Variants in MLC1 observed in about 807,000 individuals in gnomAD.
MLC1 encodes membrane protein MLC1.
Under a neutral mutation model 44.7 loss-of-function variants are expected in MLC1, and 32 were observed. The observed-to-expected ratio is 0.72, with a 90% confidence interval of 0.54 to 0.96. MLC1 has a LOEUF of 0.96. MLC1 is among the 40% of genes least tolerant of loss of function. The probability of loss-of-function intolerance (pLI) is 0.00; values close to 1 mark genes in which losing one functional copy is unlikely to be tolerated. For missense variants in MLC1, 459 were observed against 492.2 expected, an observed-to-expected ratio of 0.93 and a Z score of 0.64; for synonymous variants, 190 against 213.0, an observed-to-expected ratio of 0.89 and a Z score of 0.94.
At position 50,083,382 on chromosome 22, in the gene MLC1, C is replaced by G. The variant is rs1050586168; in HGVS notation, c.178-209G>C. On this transcript the variant is annotated intron_variant, in intron 2 of 11. Coordinates refer to ENST00000311597, the MANE Select transcript of MLC1 (RefSeq NM_015166.4). This position sits in a 1 kb window ranked among gnomAD's most constrained non-coding sequence, Gnocchi z 4.6. Reference sequence around the variant, plus strand: ...CGCAGCCCAGGACATGGACCAGCCTCCCCCAGCCATGTCGGAGCATGGACC... The same window carrying G: ...CGCAGCCCAGGACATGGACCAGCCTGCCCCAGCCATGTCGGAGCATGGACC... Among the ~76,000 whole-genome samples, 1 of 152,118 alleles carries G rather than the reference C, an allele frequency of 6.6e-6. No homozygotes were observed. The highest frequency in any genetic ancestry group is 2.4e-5 in the African/African-American group (1 of 41,416).
At chr22:50,071,183 A>T (rs956567420) in intron 8 of MLC1, among the ~76,000 whole-genome samples, 1 of 150,042 alleles carries the variant, frequency 6.7e-6, no homozygotes, top group African/African-American at 2.5e-5. Flanking sequence ...ATCTTGACTC[A>T]CTGCAACCTC....
In MLC1 at chr22:50,077,321, G is replaced by A. The variant is rs919236176; in HGVS notation, c.525+80C>T. The A allele has an allele frequency of 1.8e-5, 23 of 1,282,398 alleles. No homozygotes were observed. In the South Asian group the frequency reaches 2.7e-4, roughly 15 times the overall value. 79.4% of individuals were successfully genotyped at this position (1,282,398 alleles called of 1,614,324 possible). A position where few individuals can be genotyped will look rare whatever the true frequency, so the allele number is the denominator to read the frequency against. On this transcript the variant is annotated intron_variant, in intron 6 of 11. Coordinates refer to ENST00000311597, the MANE Select transcript of MLC1 (RefSeq NM_015166.4). ...AGCAGCCCAGATCGGCCCTCCGAGG[G>A]TGACGCTGAGACCCACCTCGCTCAC...
chr22:50,081,881 C>T (rs1213642030), intron 3 of MLC1, among the ~76,000 whole-genome samples: 1 of 152,366 alleles, frequency 6.6e-6, no homozygotes. Flanking sequence ...CACAGCTCCA[C>T]TGGGACAAGG....
At position 50,083,470 on chromosome 22, in the gene MLC1, GCACCTCT is replaced by G. The variant is rs2062200117; in HGVS notation, c.178-304_178-298del. On this transcript the variant is annotated intron_variant, in intron 2 of 11. Transcript: ENST00000311597. This position sits in a 1 kb window ranked among gnomAD's most constrained non-coding sequence, Gnocchi z 4.6. ...CTGCCAATATTTAGAGCAAGGAATG[GCACCTCT>G]CCCCACAAAATACTCCTGCCCCAAC... Among the ~76,000 whole-genome samples, 1 of 152,136 alleles carries G rather than the reference GCACCTCT, an allele frequency of 6.6e-6. No homozygotes were observed. Among genetic ancestry groups the G allele is most frequent in the South Asian group, 2.1e-4 (1 of 4,820 alleles).
At chr22:50,069,363 A>T (rs965681117) in intron 9 of MLC1, among the ~76,000 whole-genome samples, 28 of 152,044 alleles carry the variant, frequency 1.8e-4, no homozygotes, top group Admixed American at 1.4e-3. Context: ...AATACTTACC[A>T]TCTAGGCAAG....
Position 50,068,565 on chromosome 22 carries a change from A to C in MLC1, c.772-10T>G. The C allele has an allele frequency of 6.2e-7, 1 of 1,607,538 alleles. No homozygotes were observed. Among genetic ancestry groups the C allele is most frequent in the African/African-American group, 1.3e-5 (1 of 74,772 alleles). The stretch of plus-strand genomic sequence containing the variant: ...CAATCAGGACCTCCACCTGGAAAAA[A>C]AGCGCGGGTTGCAGGACCACGGCCG... On this transcript the variant is annotated splice_polypyrimidine_tract_variant and intron_variant, in intron 9 of 11. Coordinates refer to ENST00000311597, the MANE Select transcript of MLC1 (RefSeq NM_015166.4).
rs779686635 is a variant in MLC1, at chr22:50,079,969, C to G, written c.372G>C (p.Thr124=). Residue 124 remains threonine (T), a synonymous_variant, in exon 5 of 12, where the codon ACG becomes ACC. Coordinates refer to ENST00000311597, the MANE Select transcript of MLC1 (RefSeq NM_015166.4). ...GTTTGCATCCAAACCAAATTAAACACGTAGTGGTCACAGCAAACGTGGAAA... is the reference window on the plus strand; with the variant it reads ...GTTTGCATCCAAACCAAATTAAACAGGTAGTGGTCACAGCAAACGTGGAAA... ...LFVSTFAVTT[T]CLIWFGCKLV... is the part of the protein sequence containing the mutation. 2.5e-6 allele frequency: 4 copies of G among 1,614,138 alleles called. No individual in the cohort carries two copies. In the South Asian group the frequency reaches 3.3e-5, roughly 13 times the overall value.
rs538016314 is a variant in MLC1 at position 50,061,939 on chromosome 22, G to A, written c.1060-282C>T. 9.2e-5 allele frequency among the ~76,000 whole-genome samples: 14 copies of A among 152,324 alleles called. No homozygotes were observed. The South Asian group carries it at 2.1e-3, about 23-fold the overall frequency. Reference sequence around the variant, plus strand: ...CGGCCCCTTGCCCTGGCTCTGGGGCGGGGAGCGGGGGGAGGCCGCCCAAGG... The same window carrying A: ...CGGCCCCTTGCCCTGGCTCTGGGGCAGGGAGCGGGGGGAGGCCGCCCAAGG... On this transcript the variant is annotated intron_variant, in intron 11 of 11. Coordinates refer to ENST00000311597, the MANE Select transcript of MLC1 (RefSeq NM_015166.4).
chr22:50,079,893 C>CTGCG, intron 5 of MLC1, 25 bp downstream of exon 5: 1 of 1,539,630 alleles, frequency 6.5e-7, no homozygotes. Context: ...TGTCAGGCGT[C>CTGCG]TGCGCGAAGC....
At chr22:50,079,584 A>G (rs1346372916) in intron 5 of MLC1, among the ~76,000 whole-genome samples, 2 of 138,900 alleles carry the variant, frequency 1.4e-5, no homozygotes, top group African/African-American at 5.5e-5. Flanking sequence ...CGGCTCCCAC[A>G]ACCTCTGCCC....
intron 8 of MLC1, among the ~76,000 whole-genome samples, chr22:50,073,775 G>A (rs1433208656): frequency 6.6e-6 from 1 of 152,094 alleles, no homozygotes; most frequent in Non-Finnish European, 1.5e-5. Flanking sequence ...CAATGCCCAT[G>A]TATTGAGCAT....
rs2061652646 is a variant in MLC1, at chr22:50,064,139, G to A, written c.954C>T (p.Leu318=). 2 of 1,608,876 alleles carry A rather than the reference G, an allele frequency of 1.2e-6. No homozygotes were observed. Among genetic ancestry groups the A allele is most frequent in the Non-Finnish European group, 1.7e-6 (2 of 1,179,864 alleles). The change falls in exon 11 of 12, where the codon CTC becomes CTT. Residue 318 remains leucine (L), a synonymous_variant. Transcript: ENST00000311597. ...CGCACTGGATGGCGGTGCCCGTGTT[G>A]AGGCCGGCCTGCAGCAGGAGCACTA... ...LLLVLLLQAG[L]NTGTAIQCVR...
At chr22:50,064,534 C>T (rs542031245) in intron 10 of MLC1, among the ~76,000 whole-genome samples, 1 of 152,284 alleles carries the variant, frequency 6.6e-6, no homozygotes, top group East Asian at 1.9e-4. Context: ...AGTCCCAGAG[C>T]CAGAGAGAAT....
rs779949925 is a variant in MLC1 at position 50,059,490 on chromosome 22, C to T, written c.*2093G>A. The T allele has an allele frequency of 8.5e-5, 13 of 152,322 alleles. No homozygotes were observed. The highest frequency in any genetic ancestry group is 1.8e-4 in the Non-Finnish European group (12 of 68,030). 9.4% of individuals were successfully genotyped at this position (152,322 alleles called of 1,614,324 possible). On this transcript the variant is annotated 3_prime_UTR_variant, in exon 12 of 12. Transcript: ENST00000311597. ...ACCCCATTTTTCCGGATTTTTTAAG[C>T]GCTCTAAAATAAGAAAATAAGAAAG...
Position 50,064,927 on chromosome 22 carries a change from A to G in MLC1, c.895-729T>C, listed in dbSNP as rs573126431. On this transcript the variant is annotated intron_variant, in intron 10 of 11. Coordinates refer to ENST00000311597, the MANE Select transcript of MLC1 (RefSeq NM_015166.4). ...CAGAACGAACAGCTCTTCTCAAGTT[A>G]ACATAAAACTTTTTTTTGCGACAGT... 2.6e-5 allele frequency among the ~76,000 whole-genome samples: 4 copies of G among 151,394 alleles called. No homozygotes were observed. In the East Asian group the frequency reaches 5.8e-4, roughly 22 times the overall value.
At chr22:50,068,676 T>G in intron 9 of MLC1, 121 bp from the exon 10 acceptor site, 1 of 1,140,462 alleles carries the variant, frequency 8.8e-7, no homozygotes, top group Non-Finnish European at 1.3e-6. Context: ...CCCAAGCTGG[T>G]TCCCTGCATG....
Position 50,077,572 on chromosome 22 carries a change from G to A in MLC1, c.424-70C>T, listed in dbSNP as rs749227094. 6.9e-6 allele frequency: 9 copies of A among 1,297,852 alleles called. No homozygotes were observed. The East Asian group carries it at 7.0e-5, about 10-fold the overall frequency. The allele number at this position is 1,297,852 out of a possible 1,614,324, so 80.4% of individuals were successfully genotyped here. On this transcript the variant is annotated intron_variant, in intron 5 of 11. Transcript: ENST00000311597. ...ACGCCACCGCGCTTCAGCGTCCACC[G>A]GACCACCTCACGGGCAGGCTGCGCA...
intron 3 of MLC1, among the ~76,000 whole-genome samples, chr22:50,082,017 G>A (rs1187632742): frequency 6.6e-6 from 1 of 152,258 alleles, no homozygotes; most frequent in African/African-American, 2.4e-5. Context: ...CACGGGGCGG[G>A]GCATCCACTT....
rs2061559122 is a variant in MLC1 at position 50,061,582 on chromosome 22, G to T, written c.*1C>A. 6.2e-7 allele frequency: 1 copy of T among 1,613,690 alleles called. No individual in the cohort carries two copies. Among genetic ancestry groups the T allele is most frequent in the Admixed American group, 1.7e-5 (1 of 60,018 alleles). ...TGCCACCCGGTTTCCGCGTCTGGGG[G>T]TCACTGGGCCATTTGCACCACGACG... On this transcript the variant is annotated 3_prime_UTR_variant, in exon 12 of 12. Transcript: ENST00000311597.
Sources: allele counts gnomAD v4.1 joint callset (sites outside exome capture counted in the v4.1 genomes callset), GRCh38; gene constraint gnomAD v4.1.1; non-coding constraint Gnocchi (gnomAD v3.1); transcripts MANE v1.5; gene names NCBI Gene and HGNC (gene_info 2026-07-23, HGNC 2026-07-21).